Variants in FGF14 observed in about 807,000 individuals in gnomAD.
FGF14 encodes fibroblast growth factor 14.
Under a neutral mutation model 25.5 loss-of-function variants are expected in FGF14, and 5 were observed. The observed-to-expected ratio is 0.20, with a 90% CI of 0.10 to 0.41. The LOEUF (loss-of-function observed/expected upper bound fraction) is 0.41, where lower values mean the gene tolerates loss of function less well. Ranked by LOEUF, FGF14 falls within the 10% of genes least tolerant of loss-of-function variation. FGF14 has a pLI of 1.00. For missense variants in FGF14, 222 were observed against 320.1 expected (o/e 0.69, Z 2.34); for synonymous variants, 138 against 118.3 (o/e 1.17, Z -1.08).
chr13:101,909,965 C>T (rs930110759), intron 1 of FGF14, among the ~76,000 whole-genome samples: 3 of 152,022 alleles, frequency 2.0e-5, no homozygotes, highest in Non-Finnish European at 2.9e-5. Flanking sequence ...AGCTGGAAAC[C>T]ATCATTCTCA....
In FGF14 at chr13:102,023,078, AGCC is replaced by A. The variant is rs148756265; in HGVS notation, c.209-147785_209-147783del. 5.1e-3 allele frequency among the ~76,000 whole-genome samples: 741 copies of A among 146,696 alleles called. 11 individuals carry two copies. The highest frequency in any genetic ancestry group is 0.018 in the African/African-American group (708 of 39,974). On this transcript the variant is annotated intron_variant, in intron 1 of 4. Coordinates refer to the FGF14 transcript ENST00000376131. ...CACACACACACACACACACACACAC[AGCC>A]AACAGCCACACACAAAATACGTAAC...
chr13:102,258,841 T>C (rs763059117), intron 1 of FGF14, among the ~76,000 whole-genome samples: 1 of 152,176 alleles, frequency 6.6e-6, no homozygotes, highest in Non-Finnish European at 1.5e-5. Context: ...CAAATACTAT[T>C]CAAGTAAAAC....
At chr13:102,350,016 AGAGAC>A (rs2057229189) in intron 1 of FGF14, among the ~76,000 whole-genome samples, 1 of 152,224 alleles carries the variant, frequency 6.6e-6, no homozygotes, top group African/African-American at 2.4e-5. Context: ...AAAATGGAGA[AGAGAC>A]AAGAGTGAAT....
At chr13:102,303,728 GT>G (rs1566920309) in intron 1 of FGF14, among the ~76,000 whole-genome samples, 1 of 152,244 alleles carries the variant, frequency 6.6e-6, no homozygotes, top group East Asian at 1.9e-4. Flanking sequence ...CCAACCCATT[GT>G]TTTTCTAAAT....
intron 1 of FGF14, among the ~76,000 whole-genome samples, chr13:102,161,576 A>AG (rs2047660438): frequency 7.1e-4 from 2 of 2,826 alleles, no homozygotes; most frequent in Admixed American, 4.4e-3. Flanking sequence ...GAAGAAAGAA[A>AG]GAAGAAGAAG....
At chr13:101,997,069 G>A (rs546342237) in intron 1 of FGF14, among the ~76,000 whole-genome samples, 25 of 152,238 alleles carry the variant, frequency 1.6e-4, no homozygotes, top group Admixed American at 5.9e-4. Flanking sequence ...TCGCTCAGCC[G>A]GGCACTCTTT....
intron 1 of FGF14, among the ~76,000 whole-genome samples, chr13:102,239,052 G>C (rs2051460990): frequency 6.7e-6 from 1 of 150,278 alleles, no homozygotes; most frequent in Non-Finnish European, 1.5e-5. Flanking sequence ...AGCTGAGGAA[G>C]AGAAAAGTTC....
intron 3 of FGF14, among the ~76,000 whole-genome samples, chr13:101,805,257 C>A (rs2041131040): frequency 1.3e-5 from 2 of 151,912 alleles, no homozygotes; most frequent in Admixed American, 1.3e-4. Flanking sequence ...ATCTTGAAAA[C>A]AAGGTTGAAA....
chr13:102,097,880 T>G (rs2044475876), intron 1 of FGF14, among the ~76,000 whole-genome samples: 1 of 152,166 alleles, frequency 6.6e-6, no homozygotes, highest in African/African-American at 2.4e-5. Context: ...TGAGAGCACA[T>G]GGGTGTCAAA....
chr13:101,895,665 T>G (rs1304864788), intron 1 of FGF14, among the ~76,000 whole-genome samples: 2 of 152,166 alleles, frequency 1.3e-5, no homozygotes, highest in Admixed American at 6.6e-5. Context: ...AAAGAATGCA[T>G]CAATTTGCAA....
intron 1 of FGF14, among the ~76,000 whole-genome samples, chr13:102,277,677 C>G (rs1351689128): frequency 6.6e-6 from 1 of 152,196 alleles, no homozygotes; most frequent in Non-Finnish European, 1.5e-5. Context: ...AACCATTTAC[C>G]AGATCTTCTT....
At chr13:102,047,693 G>C (rs1595102242) in intron 1 of FGF14, among the ~76,000 whole-genome samples, 1 of 152,060 alleles carries the variant, frequency 6.6e-6, no homozygotes, top group East Asian at 1.9e-4. Flanking sequence ...GTGGTGGGAA[G>C]GGGGAGGGAT....
intron 3 of FGF14, chr13:101,868,335 T>G (rs1052393100): frequency 9.7e-6 from 2 of 205,378 alleles, no homozygotes; most frequent in Admixed American, 5.4e-5. Context: ...ATCCACACAA[T>G]TTGAATTCTT....
At chr13:101,847,660 T>C (rs1002053797) in intron 3 of FGF14, among the ~76,000 whole-genome samples, 2 of 152,074 alleles carry the variant, frequency 1.3e-5, no homozygotes, top group Admixed American at 6.6e-5. Context: ...GAAATAAACA[T>C]TTAACCCTTT....
intron 1 of FGF14, among the ~76,000 whole-genome samples, chr13:102,117,179 G>C (rs771157520): frequency 2.0e-5 from 3 of 152,172 alleles, no homozygotes; most frequent in Non-Finnish European, 4.4e-5. Flanking sequence ...TTCTGGTGCT[G>C]GTGGTTGGCC....
chr13:101,906,076 A>C (rs2032205093), intron 1 of FGF14, among the ~76,000 whole-genome samples: 1 of 152,172 alleles, frequency 6.6e-6, no homozygotes. Context: ...TGAAACCAAG[A>C]AGACTGCTTC....
chr13:101,865,330 G>GT lies in FGF14; in HGVS notation c.408+3394dup, dbSNP rs750438562. ...CTCTCAGCACTAGAAATAGTGATAA[G>GT]TGGTTAAAGTACATTTTTGTTCATA... On this transcript the variant is annotated intron_variant, in intron 3 of 4. Transcript: ENST00000376143. Among the ~76,000 whole-genome samples the GT allele has an allele frequency of 8.9e-4, 136 of 152,198 alleles. 1 individual carries two copies. Among genetic ancestry groups the GT allele is most frequent in the Non-Finnish European group, 1.6e-3 (108 of 67,998 alleles).
intron 1 of FGF14, among the ~76,000 whole-genome samples, chr13:102,376,502 T>C: frequency 6.6e-6 from 1 of 152,168 alleles, no homozygotes; most frequent in Non-Finnish European, 1.5e-5. Context: ...TCCCAGGTTT[T>C]CAATTAGCAG....
intron 1 of FGF14, among the ~76,000 whole-genome samples, chr13:102,042,520 T>C (rs1314721389): frequency 1.3e-5 from 2 of 151,166 alleles, no homozygotes; most frequent in Non-Finnish European, 2.9e-5. Context: ...TTCAGTAATA[T>C]ATCCTCAGAA....
Sources: gnomAD v4.1 joint callset for allele counts (sites outside exome capture counted in the v4.1 genomes callset) on GRCh38, gnomAD v4.1.1 for gene constraint, MANE v1.5 for transcripts, NCBI Gene and HGNC (gene_info 2026-07-23, HGNC 2026-07-21) for gene names.